Variants in COL4A1 observed in about 807,000 individuals in gnomAD.
COL4A1 encodes collagen alpha-1(IV) chain.
In COL4A1, 40 loss-of-function variants were observed where a neutral mutation model predicts 216.6. That is an observed-to-expected ratio of 0.18 (90% CI 0.14 to 0.24). The LOEUF (loss-of-function observed/expected upper bound fraction) is 0.24. Among genes scored for constraint, COL4A1 ranks in the 10% least tolerant of loss-of-function variants. The pLI is 1.00. For missense variants in COL4A1, 1,628 were observed against 2,196.8 expected (o/e 0.74, Z 5.18); for synonymous variants, 839 against 810.7 (o/e 1.03, Z -0.59).
In COL4A1 at chr13:110,193,593, G is replaced by A. The variant is rs548163067; in HGVS notation, c.1382-680C>T. Among the ~76,000 whole-genome samples, 115 of 152,344 alleles carry A rather than the reference G, an allele frequency of 7.5e-4. 1 individual carries two copies. The highest frequency in any genetic ancestry group is 2.6e-3 in the African/African-American group (110 of 41,588). The stretch of plus-strand genomic sequence containing the variant: ...TCAGGCATAATACAGAGCAAAAAGT[G>A]CTCGCAGAGAAGCCCATGCCAGGGA... On this transcript the variant is annotated intron_variant, in intron 22 of 51. Coordinates refer to ENST00000375820, the MANE Select transcript of COL4A1 (RefSeq NM_001845.6).
At chr13:110,188,186 A>G (rs983328400) in intron 24 of COL4A1, among the ~76,000 whole-genome samples, 1 of 152,262 alleles carries the variant, frequency 6.6e-6, no homozygotes, top group African/African-American at 2.4e-5. Context: ...CTTAGGCCTG[A>G]GAAAGGCATC....
chr13:110,190,472 C>T (rs750965071), intron 24 of COL4A1, among the ~76,000 whole-genome samples: 6 of 152,174 alleles, frequency 3.9e-5, no homozygotes, highest in Non-Finnish European at 7.3e-5. Flanking sequence ...ATCATCAATC[C>T]GCTCGGGGAG....
intron 48 of COL4A1, 121 bp downstream of exon 48, chr13:110,162,109 T>C (rs181463934): frequency 8.5e-6 from 8 of 940,760 alleles, no homozygotes; most frequent in African/African-American, 3.2e-5. Context: ...ACCGCCCTCA[T>C]GGCGCAGTGT....
chr13:110,198,526 C>T lies in COL4A1; in HGVS notation c.1226G>A (p.Arg409Lys), dbSNP rs747707990. 16 of 1,613,960 alleles carry T rather than the reference C, an allele frequency of 9.9e-6. No homozygotes were observed. Among genetic ancestry groups the T allele is most frequent in the Non-Finnish European group, 1.2e-5 (14 of 1,180,016 alleles). ...ACCAGGAGGACCCGGGAGCCCATCTCTTCCACTTGGTCCTGGCAGAGATGT... is the reference window on the plus strand; with the variant it reads ...ACCAGGAGGACCCGGGAGCCCATCTTTTCCACTTGGTCCTGGCAGAGATGT... The part of the protein sequence containing the change: ...PGTSLPGPSG[R>K]DGLPGPPGSP... Residue 409 changes from arginine (R) to lysine (K), a missense_variant, in exon 21 of 52, where the codon AGA becomes AAA. By Grantham distance (26) the Arg-to-Lys change is conservative. Coordinates refer to ENST00000375820, the MANE Select transcript of COL4A1 (RefSeq NM_001845.6).
chr13:110,236,219 G>A (rs982718617), intron 2 of COL4A1, among the ~76,000 whole-genome samples: 2 of 152,132 alleles, frequency 1.3e-5, no homozygotes, highest in South Asian at 4.1e-4. Flanking sequence ...AATGTCTCTG[G>A]CAATGGGAGC....
chr13:110,236,249 T>C (rs1881311204), intron 2 of COL4A1, among the ~76,000 whole-genome samples: 1 of 152,206 alleles, frequency 6.6e-6, no homozygotes, highest in Admixed American at 6.5e-5. Context: ...ACAATCAATG[T>C]AAAATGGCAC....
At chr13:110,275,770 T>C (rs1022845202) in intron 1 of COL4A1, among the ~76,000 whole-genome samples, 1 of 152,076 alleles carries the variant, frequency 6.6e-6, no homozygotes, top group African/African-American at 2.4e-5. Context: ...CAAATGCATA[T>C]TACTAAGGGA....
At chr13:110,229,956 G>T (rs1566395279) in intron 2 of COL4A1, among the ~76,000 whole-genome samples, 1 of 152,106 alleles carries the variant, frequency 6.6e-6, no homozygotes, top group Admixed American at 6.5e-5. Flanking sequence ...CTCACTCCAC[G>T]GTAACTGCCC....
intron 1 of COL4A1, among the ~76,000 whole-genome samples, chr13:110,305,623 C>T (rs1283911570): frequency 6.6e-6 from 1 of 152,222 alleles, no homozygotes; most frequent in African/African-American, 2.4e-5. Context: ...ATTTTGTCAT[C>T]ATTACCAAAG....
rs367718556 is a variant in COL4A1 at position 110,263,219 on chromosome 13, C to T, written c.85-20485G>A. Among the ~76,000 whole-genome samples the T allele has an allele frequency of 3.9e-5, 6 of 152,310 alleles. No individual in the cohort carries two copies. In the East Asian group the frequency reaches 5.8e-4, roughly 15 times the overall value. On this transcript the variant is annotated intron_variant, in intron 1 of 51. Transcript: ENST00000375820. ...ACAGCTGTCTGCAGTGAATTCACGA[C>T]GGCCTTGGCCTCCAGGAATGATGTC...
At chr13:110,296,610 C>A (rs1232181877) in intron 1 of COL4A1, among the ~76,000 whole-genome samples, 4 of 152,220 alleles carry the variant, frequency 2.6e-5, no homozygotes, top group African/African-American at 9.6e-5. Flanking sequence ...AGCAAGCAAT[C>A]ATTTCTTCAG....
chr13:110,154,060 A>C (rs1026857090), intron 50 of COL4A1, among the ~76,000 whole-genome samples: 1 of 152,220 alleles, frequency 6.6e-6, no homozygotes, highest in Non-Finnish European at 1.5e-5. Context: ...TTTACAGAAG[A>C]AAATAGCTAT....
intron 1 of COL4A1, among the ~76,000 whole-genome samples, chr13:110,299,218 G>A (rs970002218): frequency 1.3e-5 from 2 of 152,188 alleles, no homozygotes; most frequent in Non-Finnish European, 2.9e-5. Context: ...CTCAAGCGGC[G>A]GCCTCAGTGA....
chr13:110,267,373 G>A (rs571307172), intron 1 of COL4A1, among the ~76,000 whole-genome samples: 6 of 152,176 alleles, frequency 3.9e-5, no homozygotes, highest in African/African-American at 1.4e-4. Context: ...AAAGATGAAC[G>A]TGTTTTTTCT....
rs199961869 is a variant in COL4A1, at chr13:110,181,338, G to A, written c.2147C>T (p.Pro716Leu). ...GTTCCCAGGTAAGCCATTAAATCCC[G>A]GGCGACCTGGAGTCCCCGGTGGCCC... ...DMGPPGTPGR[P>L]GFNGLPGNPG... The change falls in exon 29 of 52, where the codon CCG (proline) becomes CTG (leucine). Residue 716 changes from proline to leucine, a missense_variant. Around this residue, in one of 8 missense-constraint regions of COL4A1, gnomAD observed 701 missense variants for 892.5 expected, o/e 0.79. Coordinates refer to ENST00000375820, the MANE Select transcript of COL4A1 (RefSeq NM_001845.6). 102 of 1,613,798 alleles carry A rather than the reference G, an allele frequency of 6.3e-5. 2 individuals carry two copies. In the South Asian group the frequency reaches 8.2e-4, roughly 13 times the overall value.
At chr13:110,174,379 G>T in intron 39 of COL4A1, 67 bp downstream of exon 39, 1 of 1,560,538 alleles carries the variant, frequency 6.4e-7, no homozygotes, top group Non-Finnish European at 8.8e-7. Flanking sequence ...GGAACTCCTT[G>T]GGGCCTCCCA....
At chr13:110,229,216 G>A (rs1404095764) in intron 2 of COL4A1, among the ~76,000 whole-genome samples, 1 of 152,214 alleles carries the variant, frequency 6.6e-6, no homozygotes, top group Non-Finnish European at 1.5e-5. Context: ...GTTCTGACAT[G>A]TACTGCATAC....
At chr13:110,190,816 A>G (rs1878593829) in intron 24 of COL4A1, 1 of 152,242 alleles carries the variant, frequency 6.6e-6, no homozygotes, top group African/African-American at 2.4e-5. Flanking sequence ...TGATGAAGGC[A>G]TAAGGAGTAG....
At position 110,291,092 on chromosome 13, in the gene COL4A1, T is replaced by G. The variant is rs56391463; in HGVS notation, c.84+15852A>C. On this transcript the variant is annotated intron_variant, in intron 1 of 51. Transcript: ENST00000375820. ...TGCCCGCCCCTCTCCTCAGGACACT[T>G]GCAGCTCCCACCTCACCTGTCCGAG... 5.1e-3 allele frequency among the ~76,000 whole-genome samples: 776 copies of G among 152,262 alleles called. 10 individuals are homozygous for G. Among genetic ancestry groups the G allele is most frequent in the African/African-American group, 0.018 (747 of 41,558 alleles).
Sources: gnomAD v4.1 joint callset for allele counts (sites outside exome capture counted in the v4.1 genomes callset) on GRCh38, gnomAD v4.1.1 for gene constraint, gnomAD v4.1.1 regional missense constraint, MANE v1.5 for transcripts, NCBI Gene and HGNC (gene_info 2026-07-23, HGNC 2026-07-21) for gene names.